The following CORO7 variants were observed in gnomAD, a reference collection of about 807,000 sequenced individuals.
CORO7 encodes coronin 7, also known as coronin-7.
CORO7 carries 107 observed loss-of-function variants against 126.6 expected under a neutral mutation model. The ratio of observed to expected loss-of-function variants is 0.85; its 90% CI spans 0.72 to 0.99. The LOEUF is 0.99. Ranked by LOEUF, CORO7 falls within the 50% of genes least tolerant of loss-of-function variation. CORO7 has a pLI of 0.00. For missense variants in CORO7, 1,314 were observed against 1,255.8 expected (o/e 1.05, Z -0.70); for synonymous variants, 603 against 536.8 (o/e 1.12, Z -1.70).
rs1011797727 is a variant in CORO7, at chr16:4,361,476, G to A, written c.1579-7C>T. The A allele has an allele frequency of 6.2e-7, 1 of 1,610,816 alleles. No homozygotes were observed. Among genetic ancestry groups the A allele is most frequent in the Non-Finnish European group, 8.5e-7 (1 of 1,179,634 alleles). On this transcript the variant is annotated splice_region_variant and splice_polypyrimidine_tract_variant and intron_variant, in intron 16 of 27. Coordinates refer to ENST00000251166, the MANE Select transcript of CORO7 (RefSeq NM_024535.5). ...GGCGGCCAGGCTTCCGTAGCTGTGG[G>A]AGGTGCCCCCACCCCGAGGCCCATC... is the stretch of plus-strand genomic sequence containing the variant.
intron 9 of CORO7, among the ~76,000 whole-genome samples, chr16:4,377,470 A>G (rs909011361): frequency 2.6e-5 from 4 of 152,190 alleles, no homozygotes; most frequent in Non-Finnish European, 2.9e-5. Flanking sequence ...GAACTTGTTA[A>G]AAGAACTTCC....
In CORO7 at chr16:4,416,583, G is replaced by A. The variant is rs1453049812; in HGVS notation, c.-65C>T. 13 of 1,543,706 alleles carry A rather than the reference G, an allele frequency of 8.4e-6. No homozygotes were observed. The Admixed American group carries it at 2.7e-4, about 32-fold the overall frequency. On this transcript the variant is annotated 5_prime_UTR_variant, in exon 1 of 28. Coordinates refer to ENST00000251166, the MANE Select transcript of CORO7 (RefSeq NM_024535.5). ...GGGCGTCGGGTCTCAGGTGCACGCTGAGCAACCGCGACTCCCGCTGCCTCG... is the reference window on the plus strand; with the variant it reads ...GGGCGTCGGGTCTCAGGTGCACGCTAAGCAACCGCGACTCCCGCTGCCTCG...
At chr16:4,383,646 G>A (rs961528336) in intron 9 of CORO7, 2 of 166,372 alleles carry the variant, frequency 1.2e-5, no homozygotes, top group African/African-American at 2.4e-5. Flanking sequence ...CCTCCCAGGT[G>A]TCCTGACCTG....
chr16:4,382,382 C>T (rs201641009), intron 9 of CORO7: 82 of 1,612,282 alleles, frequency 5.1e-5, no homozygotes, highest in Admixed American at 8.3e-5. Flanking sequence ...CGCAACCTAT[C>T]GGGCCCTGAT....
In CORO7 at chr16:4,360,551, G is replaced by T. The variant is rs981811788; in HGVS notation, c.1918-3C>A. ...GGACTCCAGGCCAGGCTGAAGATCT[G>T]GGGGCAGGAAGGGATATGAGAGACA... On this transcript the variant is annotated splice_polypyrimidine_tract_variant and splice_region_variant and intron_variant, in intron 19 of 27. Transcript: ENST00000251166. The T allele has an allele frequency of 1.3e-6, 2 of 1,595,562 alleles. No individual in the cohort carries two copies. Among genetic ancestry groups the T allele is most frequent in the African/African-American group, 2.7e-5 (2 of 74,416 alleles).
At position 4,395,218 on chromosome 16, in the gene CORO7, C is replaced by T. The variant is rs139495854; in HGVS notation, c.615+71G>A. 1,033 of 1,609,004 alleles carry T rather than the reference C, an allele frequency of 6.4e-4. 5 individuals carry two copies. In the African/African-American group the frequency reaches 0.012, roughly 19 times the overall value. On this transcript the variant is annotated intron_variant, in intron 7 of 27. Coordinates refer to ENST00000251166, the MANE Select transcript of CORO7 (RefSeq NM_024535.5). ...GACCCCAGGCCTGCCCCTACCTCCA[C>T]CTGCTAGAACCACTGGGTCCTCAGC...
rs138416527 is a variant in CORO7, at chr16:4,403,363, C to T, written c.564+2128G>A. Among the ~76,000 whole-genome samples, 1,451 of 152,262 alleles carry T rather than the reference C, an allele frequency of 9.5e-3. 16 individuals are homozygous for T. Among genetic ancestry groups the T allele is most frequent in the Non-Finnish European group, 0.015 (1,002 of 67,998 alleles). ...CTTTACAGCAAAAGAAGGTGGCAGC[C>T]GACCCAGGGCTGAGGTACCCATTGG... On this transcript the variant is annotated intron_variant, in intron 6 of 27. Coordinates refer to ENST00000251166, the MANE Select transcript of CORO7 (RefSeq NM_024535.5).
chr16:4,381,682 C>G, intron 9 of CORO7: 1 of 1,607,574 alleles, frequency 6.2e-7, no homozygotes. Flanking sequence ...CCTGCAGGAG[C>G]TGGATGTGAG....
At position 4,392,917 on chromosome 16, in the gene CORO7, C is replaced by G. The variant is rs987774847; in HGVS notation, c.615+2372G>C. Among the ~76,000 whole-genome samples, 6 of 152,348 alleles carry G rather than the reference C, an allele frequency of 3.9e-5. No homozygotes were observed. In the South Asian group the frequency reaches 1.0e-3, roughly 26 times the overall value. On this transcript the variant is annotated intron_variant, in intron 7 of 27. Transcript: ENST00000251166. ...CACCCACGCTCTTCCCAGGTCTCCTCGCCCCAAAGCCCCGCAGGGGGGCTC... is the reference window on the plus strand; with the variant it reads ...CACCCACGCTCTTCCCAGGTCTCCTGGCCCCAAAGCCCCGCAGGGGGGCTC...
At chr16:4,383,286 G>A (rs570572289) in intron 9 of CORO7, 1 of 236,304 alleles carries the variant, frequency 4.2e-6, no homozygotes, top group Non-Finnish European at 8.8e-6. Flanking sequence ...GAGGGAGAGC[G>A]GGTAGGCGGC....
chr16:4,397,045 A>T (rs1481278428), intron 6 of CORO7, among the ~76,000 whole-genome samples: 1 of 151,870 alleles, frequency 6.6e-6, no homozygotes, highest in East Asian at 1.9e-4. Flanking sequence ...GAAAGAAAGA[A>T]AAACAACATC....
intron 6 of CORO7, among the ~76,000 whole-genome samples, chr16:4,400,534 G>T (rs2055759952): frequency 6.6e-6 from 1 of 152,190 alleles, no homozygotes; most frequent in Non-Finnish European, 1.5e-5. Flanking sequence ...TCGGGACGGG[G>T]AGGCAGGAGA....
intron 4 of CORO7, 137 bp downstream of exon 4, chr16:4,408,044 C>T: frequency 7.4e-7 from 1 of 1,352,118 alleles, no homozygotes; most frequent in Non-Finnish European, 1.0e-6. Context: ...GGAATTCAGA[C>T]CAGCCCCGCA....
rs2056043265 is a variant in CORO7, at chr16:4,407,493, G to A, written c.487+8C>T. The A allele has an allele frequency of 1.9e-6, 3 of 1,562,368 alleles. No homozygotes were observed. Among genetic ancestry groups the A allele is most frequent in the South Asian group, 1.2e-5 (1 of 84,988 alleles). ...GCCCTGGGAAGGGCAGGCCAGGGTG[G>A]CCTGTACCTGTCAGGGGCTGCTGCT... On this transcript the variant is annotated splice_region_variant and intron_variant, in intron 5 of 27. Coordinates refer to ENST00000251166, the MANE Select transcript of CORO7 (RefSeq NM_024535.5).
chr16:4,416,378 ACC>A, intron 1 of CORO7, 79 bp downstream of exon 1: 5 of 1,435,086 alleles, frequency 3.5e-6, no homozygotes, highest in Non-Finnish European at 4.5e-6. Context: ...CCTGGAGGGC[ACC>A]CCTGTGGGGT....
At chr16:4,392,377 G>A (rs1037258708) in intron 7 of CORO7, among the ~76,000 whole-genome samples, 2 of 152,300 alleles carry the variant, frequency 1.3e-5, no homozygotes, top group East Asian at 1.9e-4. Context: ...CTGCACCTCC[G>A]AGGAAGTGGA....
chr16:4,359,123 T>G, intron 23 of CORO7, 173 bp downstream of exon 23: 1 of 723,398 alleles, frequency 1.4e-6, no homozygotes. Flanking sequence ...TCAAAATTCC[T>G]AAATAATTCC....
intron 9 of CORO7, among the ~76,000 whole-genome samples, chr16:4,386,770 G>C (rs1429845298): frequency 6.6e-6 from 1 of 152,178 alleles, no homozygotes; most frequent in Non-Finnish European, 1.5e-5. Context: ...CCCTCCCTGG[G>C]TGTGACAGGG....
chr16:4,410,811 C>A (rs1010185664), intron 3 of CORO7, among the ~76,000 whole-genome samples: 3 of 152,200 alleles, frequency 2.0e-5, no homozygotes, highest in African/African-American at 7.2e-5. Flanking sequence ...CAACTCAACT[C>A]TGCAGTTGTT....
Sources: allele counts gnomAD v4.1 joint callset (sites outside exome capture counted in the v4.1 genomes callset), GRCh38; gene constraint gnomAD v4.1.1; transcripts MANE v1.5; gene names NCBI Gene and HGNC (gene_info 2026-07-23, HGNC 2026-07-21).